GNAZ: variants seen among roughly 807,000 people sequenced by gnomAD.
GNAZ encodes the protein G protein subunit alpha z, also known as guanine nucleotide-binding protein G(z) subunit alpha.
In GNAZ, 3 loss-of-function variants were observed where a neutral mutation model predicts 25.4. The ratio of observed to expected loss-of-function variants is 0.12; its 90% CI spans 0.05 to 0.30. The LOEUF (loss-of-function observed/expected upper bound fraction) is 0.30. Among genes scored for constraint, GNAZ ranks in the 10% least tolerant of loss-of-function variants. The pLI, the probability that GNAZ is intolerant of heterozygous loss-of-function variation, is 1.00. For synonymous variants in GNAZ, 211 were observed against 205.7 expected, an observed-to-expected ratio of 1.03 and a Z score of -0.22; for missense variants, 241 against 501.8, an observed-to-expected ratio of 0.48 and a Z score of 4.97.
chr22:23,108,819 C>T (rs1400130255), intron 2 of GNAZ, among the ~76,000 whole-genome samples: 1 of 152,272 alleles, frequency 6.6e-6, no homozygotes, highest in East Asian at 1.9e-4. Context: ...TTAGCATCCT[C>T]TGCCTGCTGG....
chr22:23,088,637 G>A (rs1204629340), intron 1 of GNAZ, among the ~76,000 whole-genome samples: 1 of 152,172 alleles, frequency 6.6e-6, no homozygotes, highest in African/African-American at 2.4e-5. Context: ...GCTCCGGTAG[G>A]GTGGAAAGGA....
At chr22:23,081,730 G>A (rs536904798) in intron 1 of GNAZ, among the ~76,000 whole-genome samples, 2 of 149,430 alleles carry the variant, frequency 1.3e-5, no homozygotes, top group East Asian at 4.0e-4. Flanking sequence ...GCTGAGGCAG[G>A]AGAATCACTT....
At chr22:23,108,379 G>C (rs756691519) in intron 2 of GNAZ, among the ~76,000 whole-genome samples, 6 of 152,264 alleles carry the variant, frequency 3.9e-5, no homozygotes, top group Non-Finnish European at 7.3e-5. Flanking sequence ...CTTACTTCAA[G>C]TGAAGGAGTC....
At chr22:23,073,036 T>A (rs745443461) in intron 1 of GNAZ, among the ~76,000 whole-genome samples, 18 of 152,256 alleles carry the variant, frequency 1.2e-4, no homozygotes, top group African/African-American at 1.9e-4. Flanking sequence ...TTTAGTCATC[T>A]TGTGTGTGAA....
intron 1 of GNAZ, among the ~76,000 whole-genome samples, chr22:23,077,870 C>T (rs1252790425): frequency 6.6e-6 from 1 of 152,220 alleles, no homozygotes; most frequent in Non-Finnish European, 1.5e-5. Flanking sequence ...GGTACCTCAC[C>T]CCTACTCCTC....
intron 1 of GNAZ, among the ~76,000 whole-genome samples, chr22:23,075,204 C>T (rs982454111): frequency 2.0e-5 from 3 of 152,156 alleles, no homozygotes; most frequent in African/African-American, 7.2e-5. Flanking sequence ...CACAGCATTT[C>T]TCCTCCCTTC....
At chr22:23,118,678 C>G (rs984042116) in intron 2 of GNAZ, among the ~76,000 whole-genome samples, 31 of 152,228 alleles carry the variant, frequency 2.0e-4, no homozygotes, top group African/African-American at 7.5e-4. Context: ...GCAGAGGCAG[C>G]TCCTCTGAAT....
chr22:23,104,751 A>C (rs1047651797), intron 2 of GNAZ, among the ~76,000 whole-genome samples: 4 of 152,194 alleles, frequency 2.6e-5, no homozygotes, highest in African/African-American at 9.7e-5. Flanking sequence ...GTGACTGGCC[A>C]TGAACAAGAC....
intron 1 of GNAZ, among the ~76,000 whole-genome samples, chr22:23,085,725 G>T (rs1049910022): frequency 6.6e-6 from 1 of 152,198 alleles, no homozygotes; most frequent in Non-Finnish European, 1.5e-5. Flanking sequence ...AGGGCCTCTG[G>T]CCCTGGTTCC....
In GNAZ at chr22:23,084,917, C is replaced by T. The variant is rs139134808; in HGVS notation, c.-449-10330C>T. On this transcript the variant is annotated intron_variant, in intron 1 of 2. Coordinates refer to ENST00000615612, the MANE Select transcript of GNAZ (RefSeq NM_002073.4). ...CTACCATCGCATGTCCAGGTGACAT[C>T]GCACGTCCAGGTGCCATTGCACACT... 4.5e-3 allele frequency among the ~76,000 whole-genome samples: 693 copies of T among 152,336 alleles called. 3 individuals carry two copies. The highest frequency in any genetic ancestry group is 0.016 in the African/African-American group (662 of 41,570).
intron 2 of GNAZ, among the ~76,000 whole-genome samples, chr22:23,115,165 T>G (rs943205888): frequency 6.6e-6 from 1 of 152,018 alleles, no homozygotes; most frequent in Non-Finnish European, 1.5e-5. Flanking sequence ...GGAGACCAGA[T>G]GGGTCAGTAC....
intron 2 of GNAZ, among the ~76,000 whole-genome samples, chr22:23,116,358 G>A (rs1263059619): frequency 6.6e-6 from 1 of 152,276 alleles, no homozygotes; most frequent in Non-Finnish European, 1.5e-5. Flanking sequence ...GCCCAGAAGT[G>A]CAGTGAGGGG....
Position 23,080,346 on chromosome 22 carries a change from A to G in GNAZ, c.-450+9776A>G, listed in dbSNP as rs140294705. 6.1e-3 allele frequency among the ~76,000 whole-genome samples: 930 copies of G among 152,242 alleles called. 4 individuals carry two copies. Among genetic ancestry groups the G allele is most frequent in the African/African-American group, 0.02 (834 of 41,518 alleles). On this transcript the variant is annotated intron_variant, in intron 1 of 2. Transcript: ENST00000615612. Reference sequence around the variant, plus strand: ...CCAGGACAGCACAGGGTTACAGGGAAGGGCCTCCCTGTTCATCTCATCTCC... The same window carrying G: ...CCAGGACAGCACAGGGTTACAGGGAGGGGCCTCCCTGTTCATCTCATCTCC...
At position 23,123,680 on chromosome 22, in the gene GNAZ, G is replaced by A. The variant is rs567270582; in HGVS notation, c.*249G>A. 102 of 526,084 alleles carry A rather than the reference G, an allele frequency of 1.9e-4. No individual in the cohort carries two copies. Among genetic ancestry groups the A allele is most frequent in the Middle Eastern group, 5.1e-4 (1 of 1,960 alleles). 32.6% of individuals were successfully genotyped at this position (526,084 alleles called of 1,614,324 possible). A position where few individuals can be genotyped will look rare whatever the true frequency, so the allele number is the denominator to read the frequency against. ...AGATGGCAAAATCCTCTAAAATGTCGAGGTCTCTTGAAGACTTGAGAAGCT... is the reference window on the plus strand; with the variant it reads ...AGATGGCAAAATCCTCTAAAATGTCAAGGTCTCTTGAAGACTTGAGAAGCT... On this transcript the variant is annotated 3_prime_UTR_variant, in exon 3 of 3. Transcript: ENST00000615612.
At chr22:23,113,674 G>A (rs761633128) in intron 2 of GNAZ, among the ~76,000 whole-genome samples, 2 of 152,210 alleles carry the variant, frequency 1.3e-5, no homozygotes, top group Admixed American at 6.5e-5. Context: ...CCCTCCACTC[G>A]GTACACCTGC....
intron 1 of GNAZ, among the ~76,000 whole-genome samples, chr22:23,070,935 G>C (rs2068352206): frequency 6.6e-6 from 1 of 152,126 alleles, no homozygotes; most frequent in Admixed American, 6.5e-5. Flanking sequence ...GGGCGGGCCA[G>C]GCGAGCTGCG....
intron 1 of GNAZ, among the ~76,000 whole-genome samples, chr22:23,081,854 A>G (rs1405115788): frequency 1.4e-4 from 20 of 144,990 alleles, no homozygotes; most frequent in Admixed American, 2.8e-4. Flanking sequence ...GGCCAGGCGC[A>G]GTGGCTCACG....
At chr22:23,087,241 G>A (rs1331164872) in intron 1 of GNAZ, among the ~76,000 whole-genome samples, 3 of 152,152 alleles carry the variant, frequency 2.0e-5, no homozygotes, top group Non-Finnish European at 4.4e-5. Context: ...TGAGGCAGGA[G>A]GATTGCTTGA....
intron 1 of GNAZ, among the ~76,000 whole-genome samples, chr22:23,073,686 G>A (rs2146246901): frequency 6.6e-6 from 1 of 152,352 alleles, no homozygotes; most frequent in South Asian, 2.1e-4. Context: ...CACATAGGAG[G>A]AGACATCAGC....
Sources: allele counts gnomAD v4.1 joint callset (sites outside exome capture counted in the v4.1 genomes callset), GRCh38; gene constraint gnomAD v4.1.1; transcripts MANE v1.5; gene names NCBI Gene and HGNC (gene_info 2026-07-23, HGNC 2026-07-21).